The following CREB5 variants were observed in gnomAD, a reference collection of about 807,000 sequenced individuals.
CREB5 encodes cAMP responsive element binding protein 5, also known as cyclic AMP-responsive element-binding protein 5.
Under a neutral mutation model 57.1 loss-of-function variants are expected in CREB5, and 19 were observed. The observed-to-expected ratio is 0.33, with a 90% confidence interval of 0.23 to 0.49. CREB5 has a LOEUF of 0.49. Ranked by LOEUF, CREB5 falls within the 20% of genes least tolerant of loss-of-function variation. CREB5 has a pLI of 0.99. For synonymous variants in CREB5, 238 were observed against 238.3 expected (o/e 1.00, Z 0.01); for missense variants, 579 against 671.6 (o/e 0.86, Z 1.52).
rs545777199 is a variant in CREB5, at chr7:28,518,101, G to A, written c.291+10364G>A. ...TGCTTCCCAGTCCTCTCTGTAAAAT[G>A]AGGACTTCATATTTTGGATTTAGTG... On this transcript the variant is annotated intron_variant, in intron 4 of 10. Coordinates refer to ENST00000357727, the MANE Select transcript of CREB5 (RefSeq NM_182898.4). Among the ~76,000 whole-genome samples the A allele has an allele frequency of 4.6e-5, 7 of 152,306 alleles. No individual in the cohort carries two copies. In the South Asian group the frequency reaches 1.5e-3, roughly 32 times the overall value.
chr7:28,355,283 G>A (rs568580550), intron 1 of CREB5, among the ~76,000 whole-genome samples: 7 of 152,316 alleles, frequency 4.6e-5, no homozygotes, highest in Admixed American at 3.9e-4. Context: ...ACAGGACAGA[G>A]GAGGTCTGGT....
intron 1 of CREB5, among the ~76,000 whole-genome samples, chr7:28,444,183 G>A (rs73075808): frequency 0.015 from 2,245 of 152,248 alleles, 25 homozygotes; most frequent in African/African-American, 0.02. Flanking sequence ...TTTTGATAGT[G>A]TTCATGCTAG....
At chr7:28,371,988 G>A (rs1053912081) in intron 1 of CREB5, among the ~76,000 whole-genome samples, 8 of 152,134 alleles carry the variant, frequency 5.3e-5, no homozygotes, top group Non-Finnish European at 1.0e-4. Flanking sequence ...AAGGACCTAC[G>A]TGTCTGTCTA....
rs1431176764 is a variant in CREB5 at position 28,818,233 on chromosome 7, A to G, written c.1363+54A>G. 5 of 1,255,082 alleles carry G rather than the reference A, an allele frequency of 4.0e-6. No individual in the cohort carries two copies. In the African/African-American group the frequency reaches 7.4e-5, roughly 19 times the overall value. 77.7% of individuals were successfully genotyped at this position (1,255,082 alleles called of 1,614,324 possible). Reference sequence around the variant, plus strand: ...TAGTGTCCAATATTTTTTGCCACTAAGTTTGCACTGAATTTGATTGAAAGA... The same window carrying G: ...TAGTGTCCAATATTTTTTGCCACTAGGTTTGCACTGAATTTGATTGAAAGA... On this transcript the variant is annotated intron_variant, in intron 10 of 10. Transcript: ENST00000357727.
chr7:28,547,246 A>G (rs571236391), intron 4 of CREB5, among the ~76,000 whole-genome samples: 1 of 152,346 alleles, frequency 6.6e-6, no homozygotes, highest in African/African-American at 2.4e-5. Flanking sequence ...GAATGACCAT[A>G]GAAATTTACA....
chr7:28,591,593 T>C lies in CREB5; in HGVS notation c.464+21056T>C, dbSNP rs796722078. Among the ~76,000 whole-genome samples, 67 of 152,260 alleles carry C rather than the reference T, an allele frequency of 4.4e-4. 2 individuals are homozygous for C. Among genetic ancestry groups the C allele is most frequent in the African/African-American group, 1.5e-3 (64 of 41,556 alleles). ...CAATAAGGGGAGTCCAGTTTAGGAC[T>C]GGATGTTAGAAGCTACAGAAGCTCT... On this transcript the variant is annotated intron_variant, in intron 5 of 10. Transcript: ENST00000357727.
chr7:28,555,668 TAA>T (rs963885630), intron 4 of CREB5, among the ~76,000 whole-genome samples: 1 of 151,658 alleles, frequency 6.6e-6, no homozygotes, highest in Non-Finnish European at 1.5e-5. Context: ...TAGAGCAAAA[TAA>T]AAAAAACAGG....
chr7:28,322,786 C>T (rs944472452), intron 1 of CREB5, among the ~76,000 whole-genome samples: 6 of 152,140 alleles, frequency 3.9e-5, no homozygotes, highest in Admixed American at 2.6e-4. Context: ...TGAACTCATC[C>T]GTTTTTATGG....
chr7:28,684,430 C>T (rs1469979263), intron 5 of CREB5, among the ~76,000 whole-genome samples: 1 of 152,186 alleles, frequency 6.6e-6, no homozygotes, highest in Non-Finnish European at 1.5e-5. Flanking sequence ...GAAAGCACTT[C>T]CCCACCCCAA....
chr7:28,683,970 T>C (rs891839254), intron 5 of CREB5, among the ~76,000 whole-genome samples: 1 of 151,830 alleles, frequency 6.6e-6, no homozygotes, highest in African/African-American at 2.4e-5. Flanking sequence ...AAATAAAACA[T>C]TTAAATAAGA....
chr7:28,798,519 C>T (rs1451071511), intron 7 of CREB5, among the ~76,000 whole-genome samples: 3 of 152,206 alleles, frequency 2.0e-5, no homozygotes, highest in Non-Finnish European at 4.4e-5. Flanking sequence ...AAAGAGGGAC[C>T]AGGGCTGGGC....
chr7:28,502,917 G>A (rs989830217), intron 3 of CREB5, among the ~76,000 whole-genome samples: 3 of 152,172 alleles, frequency 2.0e-5, no homozygotes, highest in African/African-American at 7.2e-5. Context: ...GAGTAAGGTA[G>A]CAATCAATTA....
At chr7:28,410,537 G>T (rs1026190830), upstream of CREB5, 2 of 456,556 alleles carry the variant, frequency 4.4e-6, no homozygotes, top group Non-Finnish European at 8.8e-6. Flanking sequence ...TTTAAGGGGC[G>T]TCTGGTAGAT....
At chr7:28,768,658 T>G (rs913900498) in intron 7 of CREB5, among the ~76,000 whole-genome samples, 4 of 152,282 alleles carry the variant, frequency 2.6e-5, no homozygotes, top group Non-Finnish European at 4.4e-5. Context: ...TTGCATAGGT[T>G]CTCTTCCAGT....
At chr7:28,417,618 A>G (rs1020682699) in intron 1 of CREB5, among the ~76,000 whole-genome samples, 6 of 152,194 alleles carry the variant, frequency 3.9e-5, no homozygotes, top group Admixed American at 2.0e-4. Context: ...GAGCCTCTGT[A>G]TATTTTAAAA....
Position 28,634,888 on chromosome 7 carries a change from C to T in CREB5, c.464+64351C>T, listed in dbSNP as rs983491664. Reference sequence around the variant, plus strand: ...CTTTTCAAGGAGACAGAAACAGCTTCAGGGTAGAGCACTGTATCAGTTAGG... The same window carrying T: ...CTTTTCAAGGAGACAGAAACAGCTTTAGGGTAGAGCACTGTATCAGTTAGG... On this transcript the variant is annotated intron_variant, in intron 5 of 10. Coordinates refer to ENST00000357727, the MANE Select transcript of CREB5 (RefSeq NM_182898.4). 7.2e-5 allele frequency among the ~76,000 whole-genome samples: 11 copies of T among 152,208 alleles called. No individual in the cohort carries two copies. In the South Asian group the frequency reaches 1.2e-3, roughly 17 times the overall value.
intron 1 of CREB5, among the ~76,000 whole-genome samples, chr7:28,305,553 C>G (rs977821025): frequency 2.6e-5 from 4 of 152,130 alleles, no homozygotes; most frequent in African/African-American, 9.7e-5. Flanking sequence ...CATTCTTGGT[C>G]TCACAGTGAA....
intron 5 of CREB5, among the ~76,000 whole-genome samples, chr7:28,683,151 GC>G (rs1800686439): frequency 6.6e-6 from 1 of 152,162 alleles, no homozygotes; most frequent in Non-Finnish European, 1.5e-5. Flanking sequence ...TATCTACGAA[GC>G]CCCCCTTCTT....
At chr7:28,341,272 A>C (rs552799674) in intron 1 of CREB5, among the ~76,000 whole-genome samples, 1 of 152,078 alleles carries the variant, frequency 6.6e-6, no homozygotes, top group Admixed American at 6.6e-5. Flanking sequence ...ACTGATTTTC[A>C]TTAGTTTAAA....
Sources: allele counts gnomAD v4.1 joint callset (sites outside exome capture counted in the v4.1 genomes callset), GRCh38; gene constraint gnomAD v4.1.1; transcripts MANE v1.5; gene names NCBI Gene and HGNC (gene_info 2026-07-23, HGNC 2026-07-21).